The following ARL15 variants were observed in gnomAD, a reference collection of about 807,000 sequenced individuals.
ARL15 encodes ARF like GTPase 15.
ARL15 carries 19 observed loss-of-function variants against 25.2 expected under a neutral mutation model. The observed-to-expected ratio is 0.75, with a 90% CI of 0.53 to 1.10. ARL15 has a LOEUF of 1.10. ARL15 is among the 50% of genes least tolerant of loss of function. The probability of loss-of-function intolerance (pLI) is 0.00; values close to 1 mark genes in which losing one functional copy is unlikely to be tolerated. For synonymous variants in ARL15, 94 were observed against 86.8 expected, an observed-to-expected ratio of 1.08 and a Z score of -0.46; for missense variants, 220 against 246.0, an observed-to-expected ratio of 0.89 and a Z score of 0.71.
intron 1 of ARL15, among the ~76,000 whole-genome samples, chr5:54,203,345 C>T (rs1475115125): frequency 6.6e-6 from 1 of 152,126 alleles, no homozygotes; most frequent in East Asian, 1.9e-4. Context: ...TTACCATTAA[C>T]ATTAACTATA....
rs575799038 is a variant in ARL15 at position 53,928,019 on chromosome 5, C to T, written c.463-41306G>A. On this transcript the variant is annotated intron_variant, in intron 4 of 4. Coordinates refer to ENST00000504924, the MANE Select transcript of ARL15 (RefSeq NM_019087.3). ...TGAGAGGTAAGGAATTTATTTAGCT[C>T]AGTGCCTGGCAGGTAGGAGGCACTG... 2.4e-4 allele frequency among the ~76,000 whole-genome samples: 36 copies of T among 152,302 alleles called. 3 individuals carry two copies. The South Asian group carries it at 6.8e-3, about 29-fold the overall frequency.
At chr5:54,129,294 C>T (rs1240638477) in intron 3 of ARL15, among the ~76,000 whole-genome samples, 1 of 152,124 alleles carries the variant, frequency 6.6e-6, no homozygotes, top group Admixed American at 6.5e-5. Context: ...AGCTCCCATG[C>T]TTAACATTCT....
intron 3 of ARL15, among the ~76,000 whole-genome samples, chr5:54,134,466 C>T (rs1294665393): frequency 1.3e-5 from 2 of 150,410 alleles, no homozygotes; most frequent in African/African-American, 4.9e-5. Context: ...CACAGCACTT[C>T]ACACGTAACT....
Position 53,973,640 on chromosome 5 carries a change from A to G in ARL15, c.463-86927T>C, listed in dbSNP as rs117666140. On this transcript the variant is annotated intron_variant, in intron 4 of 4. Coordinates refer to ENST00000504924, the MANE Select transcript of ARL15 (RefSeq NM_019087.3). ...GTACCTATAGTCTTTGCTACTTGGG[A>G]GGCTGAGGTGGGAGGATCACTTGAG... is the stretch of plus-strand genomic sequence containing the variant. Among the ~76,000 whole-genome samples, 129 of 150,708 alleles carry G rather than the reference A, an allele frequency of 8.6e-4. 1 individual carries two copies. The East Asian group carries it at 0.017, about 19-fold the overall frequency.
At chr5:54,163,354 AGCTT>A (rs1754464345) in intron 2 of ARL15, among the ~76,000 whole-genome samples, 2 of 63,090 alleles carry the variant, frequency 3.2e-5, no homozygotes, top group East Asian at 5.1e-4. Context: ...ATTGGTATGA[AGCTT>A]TTTTTTTTTT....
At position 54,216,950 on chromosome 5, in the gene ARL15, AC is replaced by A. The variant is rs957387275; in HGVS notation, c.49-45023del. On this transcript the variant is annotated intron_variant, in intron 1 of 4. Transcript: ENST00000504924. The stretch of plus-strand genomic sequence containing the variant: ...CTTTAAAGACAATAGAGAACAAAAA[AC>A]ATTAACATTACATTTTAGTTTTTTA... Among the ~76,000 whole-genome samples, 12 of 152,276 alleles carry A rather than the reference AC, an allele frequency of 7.9e-5. No homozygotes were observed. The South Asian group carries it at 1.9e-3, about 24-fold the overall frequency.
intron 3 of ARL15, among the ~76,000 whole-genome samples, chr5:54,142,832 C>T (rs139600295): frequency 3.4e-3 from 522 of 152,224 alleles, no homozygotes; most frequent in African/African-American, 0.012. Flanking sequence ...GAAATCTTTG[C>T]CTAACCCAAA....
chr5:54,250,891 C>A (rs1487962178), intron 1 of ARL15, among the ~76,000 whole-genome samples: 1 of 152,176 alleles, frequency 6.6e-6, no homozygotes, highest in African/African-American at 2.4e-5. Flanking sequence ...ACCTGAAACA[C>A]AATTCACTCT....
At chr5:54,300,346 C>T (rs1758584497) in intron 1 of ARL15, among the ~76,000 whole-genome samples, 1 of 152,162 alleles carries the variant, frequency 6.6e-6, no homozygotes, top group African/African-American at 2.4e-5. Context: ...ATAGAAAGAC[C>T]ACATGAAGAG....
chr5:53,957,776 A>T (rs1747209033), intron 4 of ARL15, among the ~76,000 whole-genome samples: 1 of 152,222 alleles, frequency 6.6e-6, no homozygotes, highest in Admixed American at 6.5e-5. Context: ...ATGAGCCATG[A>T]TTGTACCATT....
intron 4 of ARL15, among the ~76,000 whole-genome samples, chr5:53,917,625 G>A (rs897038422): frequency 4.6e-5 from 7 of 152,164 alleles, no homozygotes; most frequent in African/African-American, 1.7e-4. Context: ...TTTTACAAAT[G>A]TGACCAGTTT....
rs189332973 is a variant in ARL15, at chr5:54,214,551, G to A, written c.49-42623C>T. 1.2e-3 allele frequency among the ~76,000 whole-genome samples: 177 copies of A among 152,110 alleles called. 2 individuals are homozygous for A. Among genetic ancestry groups the A allele is most frequent in the African/African-American group, 4.0e-3 (168 of 41,500 alleles). On this transcript the variant is annotated intron_variant, in intron 1 of 4. Transcript: ENST00000504924. ...CATACAATAGGAAAACACATTTTCC[G>A]ACATGCCTCAGCGTGTCCAGGATGA...
At chr5:53,996,898 G>A (rs1467499784) in intron 4 of ARL15, among the ~76,000 whole-genome samples, 1 of 152,090 alleles carries the variant, frequency 6.6e-6, no homozygotes, top group East Asian at 1.9e-4. Context: ...ATGGACACAG[G>A]CTCAACATAT....
At chr5:54,234,709 T>C (rs1408312293) in intron 1 of ARL15, among the ~76,000 whole-genome samples, 1 of 152,240 alleles carries the variant, frequency 6.6e-6, no homozygotes, top group Non-Finnish European at 1.5e-5. Context: ...ATTATGGACT[T>C]AAATTTCTGT....
At chr5:54,205,713 T>C (rs919051475) in intron 1 of ARL15, among the ~76,000 whole-genome samples, 1 of 152,194 alleles carries the variant, frequency 6.6e-6, no homozygotes, top group African/African-American at 2.4e-5. Context: ...GTAACTTAAA[T>C]TCTGCTGTGG....
At chr5:54,269,183 G>T (rs1757710694) in intron 1 of ARL15, among the ~76,000 whole-genome samples, 1 of 151,514 alleles carries the variant, frequency 6.6e-6, no homozygotes. Context: ...TAAATAACCT[G>T]CACATTGTGC....
chr5:54,059,313 G>C (rs10073807), intron 4 of ARL15, among the ~76,000 whole-genome samples: 3 of 152,316 alleles, frequency 2.0e-5, no homozygotes, highest in Admixed American at 6.5e-5. Context: ...CCTCCGTTCC[G>C]ACAGCATCTT....
intron 3 of ARL15, among the ~76,000 whole-genome samples, chr5:54,119,324 C>T (rs1753004978): frequency 6.6e-6 from 1 of 152,070 alleles, no homozygotes; most frequent in Non-Finnish European, 1.5e-5. Flanking sequence ...CTTGCATGTT[C>T]TCTCACCATG....
intron 1 of ARL15, among the ~76,000 whole-genome samples, chr5:54,287,679 C>T (rs1037265092): frequency 1.3e-5 from 2 of 152,090 alleles, no homozygotes; most frequent in Non-Finnish European, 2.9e-5. Flanking sequence ...ATATACAAAA[C>T]ATCCTCATTT....
Sources: allele counts gnomAD v4.1 joint callset (sites outside exome capture counted in the v4.1 genomes callset), GRCh38; gene constraint gnomAD v4.1.1; transcripts MANE v1.5; gene names NCBI Gene and HGNC (gene_info 2026-07-23, HGNC 2026-07-21).